Variants in ADK observed in about 807,000 individuals in gnomAD.
ADK encodes adenosine kinase.
A neutral mutation model predicts 44.7 loss-of-function variants in ADK; 24 were observed. The observed-to-expected ratio is 0.54, with a 90% CI of 0.39 to 0.76. The LOEUF (loss-of-function observed/expected upper bound fraction) is 0.76. Among genes scored for constraint, ADK ranks in the 30% least tolerant of loss-of-function variants. ADK has a pLI of 0.00. For missense variants in ADK, 321 were observed against 425.1 expected (o/e 0.76, Z 2.15); for synonymous variants, 128 against 142.6 (o/e 0.90, Z 0.73).
chr10:74,582,238 G>A (rs563652300), intron 7 of ADK, among the ~76,000 whole-genome samples: 1 of 152,134 alleles, frequency 6.6e-6, no homozygotes, highest in African/African-American at 2.4e-5. Flanking sequence ...GTGAGCCTGG[G>A]AGGTTGAGGC....
chr10:74,575,580 A>G (rs928192618), intron 7 of ADK, among the ~76,000 whole-genome samples: 1 of 152,188 alleles, frequency 6.6e-6, no homozygotes, highest in Non-Finnish European at 1.5e-5. Flanking sequence ...AAGGCAAAAA[A>G]GCCTGGGGCA....
intron 4 of ADK, among the ~76,000 whole-genome samples, chr10:74,331,859 T>G (rs1045414555): frequency 1.3e-5 from 2 of 152,156 alleles, no homozygotes; most frequent in Non-Finnish European, 2.9e-5. Flanking sequence ...TTTACTTTAT[T>G]TATTTATTTT....
At chr10:74,427,139 G>A (rs1182744450) in intron 6 of ADK, among the ~76,000 whole-genome samples, 1 of 152,136 alleles carries the variant, frequency 6.6e-6, no homozygotes, top group African/African-American at 2.4e-5. Context: ...GCTTGGGGTG[G>A]GTGGGAGAGA....
chr10:74,391,719 C>T (rs545593830), intron 4 of ADK, among the ~76,000 whole-genome samples: 1 of 147,104 alleles, frequency 6.8e-6, no homozygotes, highest in East Asian at 2.0e-4. Context: ...GTAATAAAAA[C>T]CATAACATTA....
chr10:74,389,990 G>T (rs961010142), intron 4 of ADK, among the ~76,000 whole-genome samples: 1 of 151,990 alleles, frequency 6.6e-6, no homozygotes, highest in Admixed American at 6.6e-5. Flanking sequence ...TATTTTCACT[G>T]AACAAAGTTT....
At chr10:74,457,095 A>T (rs1165632525) in intron 6 of ADK, among the ~76,000 whole-genome samples, 1 of 152,212 alleles carries the variant, frequency 6.6e-6, no homozygotes, top group African/African-American at 2.4e-5. Context: ...CAGACTACTT[A>T]AGAAGAAAAG....
intron 4 of ADK, among the ~76,000 whole-genome samples, chr10:74,333,471 C>A (rs910443881): frequency 6.6e-6 from 1 of 152,056 alleles, no homozygotes; most frequent in Non-Finnish European, 1.5e-5. Context: ...TCTATTAGAA[C>A]CTTACTAAAA....
intron 4 of ADK, among the ~76,000 whole-genome samples, chr10:74,356,240 G>T (rs930987635): frequency 2.7e-5 from 4 of 150,734 alleles, no homozygotes; most frequent in Non-Finnish European, 4.4e-5. Flanking sequence ...GGATGGTCTC[G>T]ATCTCCTGAC....
chr10:74,637,291 A>AGTAT (rs1480664077), intron 9 of ADK, among the ~76,000 whole-genome samples: 10 of 152,328 alleles, frequency 6.6e-5, no homozygotes, highest in African/African-American at 2.4e-4. Flanking sequence ...GACCACTGGC[A>AGTAT]CAGTTTTTTT....
rs1845876223 is a variant in ADK at position 74,257,623 on chromosome 10, G to A, written c.194+33032G>A. On this transcript the variant is annotated intron_variant, in intron 3 of 10. Transcript: ENST00000539909. Reference sequence around the variant, plus strand: ...TAGTCTTTCTATATGACATTCTTATGGTGGTTTATTGATTATCATAACTAT... The same window carrying A: ...TAGTCTTTCTATATGACATTCTTATAGTGGTTTATTGATTATCATAACTAT... Among the ~76,000 whole-genome samples, 4 of 151,814 alleles carry A rather than the reference G, an allele frequency of 2.6e-5. No individual in the cohort carries two copies. In the South Asian group the frequency reaches 8.4e-4, roughly 32 times the overall value.
chr10:74,440,979 AT>A (rs1438904494), intron 6 of ADK, among the ~76,000 whole-genome samples: 1 of 152,174 alleles, frequency 6.6e-6, no homozygotes, highest in Non-Finnish European at 1.5e-5. Context: ...AATAAGATCT[AT>A]TGTAATATAA....
At chr10:74,176,348 G>A in intron 1 of ADK, 1 of 603,924 alleles carries the variant, frequency 1.7e-6, no homozygotes, top group Non-Finnish European at 2.1e-6. Context: ...CCCCACCTTT[G>A]CAGATGGATT....
At chr10:74,504,099 T>C (rs1368989567) in intron 6 of ADK, among the ~76,000 whole-genome samples, 1 of 152,222 alleles carries the variant, frequency 6.6e-6, no homozygotes, top group African/African-American at 2.4e-5. Context: ...GTTCCGAAAC[T>C]GTGCACTGAC....
At chr10:74,522,025 G>A (rs940338520) in intron 6 of ADK, among the ~76,000 whole-genome samples, 1 of 152,002 alleles carries the variant, frequency 6.6e-6, no homozygotes, top group African/African-American at 2.4e-5. Flanking sequence ...CAGTTGTAGG[G>A]GAGAAAAAGT....
intron 9 of ADK, among the ~76,000 whole-genome samples, chr10:74,634,171 A>G (rs1024426602): frequency 1.3e-5 from 2 of 152,034 alleles, no homozygotes; most frequent in African/African-American, 2.4e-5. Context: ...CCTTAGAAAC[A>G]TTTGAGTAGA....
At chr10:74,509,129 T>C (rs549445723) in intron 6 of ADK, among the ~76,000 whole-genome samples, 108 of 152,286 alleles carry the variant, frequency 7.1e-4, no homozygotes, top group Middle Eastern at 3.4e-3. Flanking sequence ...TGGGCCTGGC[T>C]TAGTTTACTG....
At chr10:74,648,133 A>G (rs563676536) in intron 9 of ADK, among the ~76,000 whole-genome samples, 1 of 152,262 alleles carries the variant, frequency 6.6e-6, no homozygotes, top group African/African-American at 2.4e-5. Context: ...CAGAAATTCT[A>G]TAATCTGGCA....
chr10:74,564,539 C>G (rs1369004098), intron 7 of ADK, among the ~76,000 whole-genome samples: 4 of 152,124 alleles, frequency 2.6e-5, no homozygotes, highest in Non-Finnish European at 5.9e-5. Context: ...CTGACTAACC[C>G]TGTTTCCTTT....
At chr10:74,217,679 A>G (rs1844111309) in intron 2 of ADK, among the ~76,000 whole-genome samples, 1 of 152,204 alleles carries the variant, frequency 6.6e-6, no homozygotes, top group Non-Finnish European at 1.5e-5. Flanking sequence ...CAAAACTTCC[A>G]GAGGAACGAT....
Sources: allele counts gnomAD v4.1 joint callset (sites outside exome capture counted in the v4.1 genomes callset), GRCh38; gene constraint gnomAD v4.1.1; transcripts MANE v1.5; gene names NCBI Gene and HGNC (gene_info 2026-07-23, HGNC 2026-07-21).